PHF21A: variants seen among roughly 807,000 people sequenced by gnomAD.
PHF21A encodes the protein PHD finger protein 21A.
A neutral mutation model predicts 82.5 loss-of-function variants in PHF21A; 11 were observed. The observed-to-expected ratio is 0.13, with a 90% CI of 0.08 to 0.22. The LOEUF (loss-of-function observed/expected upper bound fraction) is 0.22, where lower values mean the gene tolerates loss of function less well. PHF21A is among the 10% of genes least tolerant of loss of function. PHF21A has a pLI of 1.00. For missense variants in PHF21A, 579 were observed against 837.8 expected, an observed-to-expected ratio of 0.69 and a Z score of 3.81; for synonymous variants, 297 against 302.8, an observed-to-expected ratio of 0.98 and a Z score of 0.20.
intron 6 of PHF21A, among the ~76,000 whole-genome samples, chr11:46,025,179 T>C (rs1055632729): frequency 2.7e-5 from 4 of 150,084 alleles, no homozygotes; most frequent in African/African-American, 1.0e-4. Context: ...GGGGCATATG[T>C]ATACAGATTA....
At chr11:45,976,905 G>T (rs1019414187) in intron 7 of PHF21A, among the ~76,000 whole-genome samples, 5 of 152,030 alleles carry the variant, frequency 3.3e-5, no homozygotes, top group African/African-American at 1.2e-4. Flanking sequence ...AAAACTCAGA[G>T]GATCCTTTTG....
chr11:46,039,945 C>T (rs2096092035), intron 6 of PHF21A, among the ~76,000 whole-genome samples: 1 of 152,112 alleles, frequency 6.6e-6, no homozygotes, highest in Non-Finnish European at 1.5e-5. Context: ...TTTTAAAAAC[C>T]CTCAAATGAG....
rs550739688 is a variant in PHF21A at position 45,990,450 on chromosome 11, T to C, written c.154-10484A>G. On this transcript the variant is annotated intron_variant, in intron 6 of 18. Coordinates refer to ENST00000676320, the MANE Select transcript of PHF21A (RefSeq NM_001352027.3). ...ATTTTTTGTATTTTTAGTAGAGACA[T>C]GGTTTCGCCATGTTGCCTAGGCTGG... Among the ~76,000 whole-genome samples, 4 of 151,618 alleles carry C rather than the reference T, an allele frequency of 2.6e-5. No individual in the cohort carries two copies. In the East Asian group the frequency reaches 5.9e-4, roughly 22 times the overall value.
intron 6 of PHF21A, among the ~76,000 whole-genome samples, chr11:46,019,350 T>G (rs985953524): frequency 2.0e-5 from 3 of 152,152 alleles, no homozygotes; most frequent in Non-Finnish European, 4.4e-5. Flanking sequence ...TTTTTTCACT[T>G]GAGAACTAAT....
chr11:45,993,347 C>T (rs2094784765), intron 6 of PHF21A, among the ~76,000 whole-genome samples: 1 of 151,948 alleles, frequency 6.6e-6, no homozygotes, highest in Non-Finnish European at 1.5e-5. Context: ...ATTTTGAAAC[C>T]CTCTTATCAA....
intron 6 of PHF21A, among the ~76,000 whole-genome samples, chr11:46,052,288 C>A (rs2096379880): frequency 6.6e-6 from 1 of 152,190 alleles, no homozygotes; most frequent in South Asian, 2.1e-4. Context: ...AGCCTGTAAG[C>A]AAATGAAGCC....
intron 6 of PHF21A, among the ~76,000 whole-genome samples, chr11:45,994,262 T>A (rs1031124734): frequency 2.0e-5 from 3 of 152,142 alleles, no homozygotes; most frequent in African/African-American, 7.2e-5. Context: ...CATAGCAAAC[T>A]TTACTTACCA....
intron 6 of PHF21A, among the ~76,000 whole-genome samples, chr11:46,044,376 T>C (rs1248483222): frequency 6.6e-6 from 1 of 152,196 alleles, no homozygotes; most frequent in Non-Finnish European, 1.5e-5. Context: ...TACTCAAATC[T>C]ATAGTGAAAA....
At chr11:45,996,840 C>T (rs1189658629) in intron 6 of PHF21A, among the ~76,000 whole-genome samples, 1 of 152,162 alleles carries the variant, frequency 6.6e-6, no homozygotes, top group Non-Finnish European at 1.5e-5. Flanking sequence ...TGAGTATATC[C>T]CTAACCACAG....
chr11:46,109,452 G>A (rs1356372180), intron 1 of PHF21A, among the ~76,000 whole-genome samples: 2 of 152,126 alleles, frequency 1.3e-5, no homozygotes, highest in Non-Finnish European at 2.9e-5. Flanking sequence ...ATGTGTGTAT[G>A]TCACTTCTCC....
Position 46,022,589 on chromosome 11 carries a change from G to C in PHF21A, c.154-42623C>G, listed in dbSNP as rs2095652625. 2.6e-5 allele frequency among the ~76,000 whole-genome samples: 4 copies of C among 152,196 alleles called. No individual in the cohort carries two copies. In the South Asian group the frequency reaches 8.3e-4, roughly 31 times the overall value. On this transcript the variant is annotated intron_variant, in intron 6 of 18. Transcript: ENST00000676320. ...CAATCCTCCAGCCTCAGTCTCCCAA[G>C]CAGCTGGGACTACAGGCACATGCCA...
intron 6 of PHF21A, among the ~76,000 whole-genome samples, chr11:45,991,267 A>AGTG (rs1306826881): frequency 6.6e-6 from 1 of 152,116 alleles, no homozygotes; most frequent in Non-Finnish European, 1.5e-5. Flanking sequence ...TCACAGTAGT[A>AGTG]CCTTGATTTT....
chr11:45,976,600 G>A lies in PHF21A; in HGVS notation c.360+3160C>T, dbSNP rs533098907. The stretch of plus-strand genomic sequence containing the variant: ...CTCATGTCTGTAATCCCAACACTGT[G>A]GGAGACCGAGATGGGTGGATCACTT... On this transcript the variant is annotated intron_variant, in intron 7 of 18. Coordinates refer to ENST00000676320, the MANE Select transcript of PHF21A (RefSeq NM_001352027.3). Among the ~76,000 whole-genome samples, 447 of 152,290 alleles carry A rather than the reference G, an allele frequency of 2.9e-3. 2 individuals carry two copies. Among genetic ancestry groups the A allele is most frequent in the African/African-American group, 0.01 (427 of 41,560 alleles).
chr11:46,117,601 T>C (rs527711617), intron 1 of PHF21A, among the ~76,000 whole-genome samples: 107 of 152,330 alleles, frequency 7.0e-4, no homozygotes, highest in Middle Eastern at 3.4e-3. Flanking sequence ...CAACACACTA[T>C]ACCCCTTTCC....
chr11:46,087,655 G>A (rs1404889534), intron 3 of PHF21A, among the ~76,000 whole-genome samples: 1 of 152,160 alleles, frequency 6.6e-6, no homozygotes, highest in East Asian at 1.9e-4. Context: ...CAAAAACAAG[G>A]CAGGTACATG....
chr11:46,049,655 C>T (rs1279128546), intron 6 of PHF21A, among the ~76,000 whole-genome samples: 2 of 152,250 alleles, frequency 1.3e-5, no homozygotes, highest in Admixed American at 6.5e-5. Context: ...AGCATGCTCC[C>T]TTGCAAACAC....
At chr11:45,960,000 T>A (rs1470970327) in intron 10 of PHF21A, among the ~76,000 whole-genome samples, 1 of 152,108 alleles carries the variant, frequency 6.6e-6, no homozygotes, top group African/African-American at 2.4e-5. Flanking sequence ...CCCACTGAAA[T>A]GGCTATAAAT....
At chr11:45,994,103 G>A (rs1401184760) in intron 6 of PHF21A, among the ~76,000 whole-genome samples, 2 of 152,132 alleles carry the variant, frequency 1.3e-5, no homozygotes, top group Non-Finnish European at 2.9e-5. Context: ...TAGTATGATG[G>A]ACAATTTTAA....
chr11:46,107,475 C>T (rs2097164784), intron 1 of PHF21A, among the ~76,000 whole-genome samples: 1 of 152,174 alleles, frequency 6.6e-6, no homozygotes, highest in African/African-American at 2.4e-5. Flanking sequence ...CTAAACTTGG[C>T]TGGTAAAAAA....
Sources: gnomAD v4.1 joint callset for allele counts (sites outside exome capture counted in the v4.1 genomes callset) on GRCh38, gnomAD v4.1.1 for gene constraint, MANE v1.5 for transcripts, NCBI Gene and HGNC (gene_info 2026-07-23, HGNC 2026-07-21) for gene names.